Variants in CTNND2 observed in about 807,000 individuals in gnomAD.
CTNND2 encodes catenin delta-2.
CTNND2 carries 22 observed loss-of-function variants against 144.4 expected under a neutral mutation model. The ratio of observed to expected loss-of-function variants is 0.15; its 90% CI spans 0.11 to 0.22. CTNND2 has a LOEUF of 0.22. CTNND2 is among the 10% of genes least tolerant of loss of function. The pLI is 1.00. For missense variants in CTNND2, 1,353 were observed against 1,618.8 expected (o/e 0.84, Z 2.82); for synonymous variants, 751 against 695.6 (o/e 1.08, Z -1.25).
chr5:11,380,351 A>C (rs1758354195), intron 7 of CTNND2, among the ~76,000 whole-genome samples: 1 of 152,212 alleles, frequency 6.6e-6, no homozygotes. Flanking sequence ...GTATTACTAA[A>C]TAATATGAGT....
At chr5:11,790,165 CT>C (rs761246894) in intron 1 of CTNND2, among the ~76,000 whole-genome samples, 4 of 152,130 alleles carry the variant, frequency 2.6e-5, no homozygotes, top group Admixed American at 6.6e-5. Flanking sequence ...GGCCGGGTTA[CT>C]GGGGTATCCT....
intron 14 of CTNND2, among the ~76,000 whole-genome samples, chr5:11,099,184 C>G (rs1228801618): frequency 6.6e-6 from 1 of 152,184 alleles, no homozygotes; most frequent in Non-Finnish European, 1.5e-5. Context: ...ACTTCTTATG[C>G]ATCATTATTA....
At chr5:11,606,116 C>T (rs1227671475) in intron 2 of CTNND2, among the ~76,000 whole-genome samples, 1 of 152,044 alleles carries the variant, frequency 6.6e-6, no homozygotes, top group Non-Finnish European at 1.5e-5. Context: ...AGCCACGAGC[C>T]AAGGAATACA....
chr5:11,842,536 G>A (rs148084598), intron 1 of CTNND2, among the ~76,000 whole-genome samples: 2 of 151,956 alleles, frequency 1.3e-5, no homozygotes, highest in Admixed American at 1.3e-4. Flanking sequence ...TGGCTAACAT[G>A]ATGAAACCCC....
intron 1 of CTNND2, among the ~76,000 whole-genome samples, chr5:11,760,451 C>T (rs961207868): frequency 6.6e-6 from 1 of 152,110 alleles, no homozygotes. Flanking sequence ...ATATGTAAGA[C>T]AATGAGACAT....
At chr5:11,115,335 G>C (rs568995473) in intron 13 of CTNND2, among the ~76,000 whole-genome samples, 1 of 152,334 alleles carries the variant, frequency 6.6e-6, no homozygotes, top group African/African-American at 2.4e-5. Context: ...CTTAGCCAAA[G>C]CATGAGGCTG....
intron 15 of CTNND2, 27 bp downstream of exon 15, chr5:11,098,545 TTTC>T (rs745343712): frequency 3.5e-5 from 56 of 1,583,800 alleles, no homozygotes; most frequent in Non-Finnish European, 4.5e-5. Flanking sequence ...TAACTCCAGA[TTTC>T]TTTTTATTGT....
At position 11,880,278 on chromosome 5, in the gene CTNND2, A is replaced by G. The variant is rs58896273; in HGVS notation, c.37+23539T>C. On this transcript the variant is annotated intron_variant, in intron 1 of 21. Coordinates refer to ENST00000304623, the MANE Select transcript of CTNND2 (RefSeq NM_001332.4). Reference sequence around the variant, plus strand: ...TAGGAAATGATTACTATAAAAGGTAATATGTGAAATATTCCATAATAAACG... The same window carrying G: ...TAGGAAATGATTACTATAAAAGGTAGTATGTGAAATATTCCATAATAAACG... 8.3e-3 allele frequency among the ~76,000 whole-genome samples: 1,265 copies of G among 152,234 alleles called. 19 individuals are homozygous for G. Among genetic ancestry groups the G allele is most frequent in the African/African-American group, 0.029 (1,188 of 41,528 alleles).
intron 1 of CTNND2, among the ~76,000 whole-genome samples, chr5:11,853,699 C>T (rs957236185): frequency 6.6e-6 from 1 of 152,154 alleles, no homozygotes; most frequent in Non-Finnish European, 1.5e-5. Context: ...GTGCCAATTG[C>T]ATCCCTACAG....
intron 16 of CTNND2, among the ~76,000 whole-genome samples, chr5:11,080,540 A>G (rs61757076): frequency 8.0e-4 from 122 of 152,352 alleles, no homozygotes; most frequent in South Asian, 2.9e-3. Context: ...TCATTCCAGC[A>G]TTATTCACAA....
chr5:11,178,893 T>C (rs1475452309), intron 11 of CTNND2, among the ~76,000 whole-genome samples: 1 of 152,186 alleles, frequency 6.6e-6, no homozygotes, highest in African/African-American at 2.4e-5. Flanking sequence ...GTCCTACTGA[T>C]CTTTATGATA....
At position 11,048,129 on chromosome 5, in the gene CTNND2, T is replaced by A. The variant is rs112138899; in HGVS notation, c.2789-25150A>T. On this transcript the variant is annotated intron_variant, in intron 16 of 21. Transcript: ENST00000304623. ...GAGGCAAGGAAATACAGGCTCTTTA[T>A]CACCTGAGCTCCCAGAACCTGGAAC... 1.1e-3 allele frequency among the ~76,000 whole-genome samples: 175 copies of A among 152,266 alleles called. 1 individual carries two copies. The highest frequency in any genetic ancestry group is 3.0e-3 in the African/African-American group (126 of 41,560).
At chr5:10,993,919 C>T (rs61751683) in intron 18 of CTNND2, among the ~76,000 whole-genome samples, 9,058 of 151,558 alleles carry the variant, frequency 0.06, 899 homozygotes, top group African/African-American at 0.21. Flanking sequence ...CCTTAAAAGT[C>T]TAAATATTAT....
At chr5:11,377,649 C>T (rs774987206) in intron 7 of CTNND2, among the ~76,000 whole-genome samples, 1 of 152,042 alleles carries the variant, frequency 6.6e-6, no homozygotes, top group African/African-American at 2.4e-5. Context: ...TACAAGGATG[C>T]TATGAGGTAG....
intron 6 of CTNND2, among the ~76,000 whole-genome samples, chr5:11,385,589 C>A (rs1377925632): frequency 2.0e-5 from 3 of 152,142 alleles, no homozygotes; most frequent in Non-Finnish European, 4.4e-5. Context: ...TCTCCCTGGT[C>A]GCAATCACAA....
intron 1 of CTNND2, among the ~76,000 whole-genome samples, chr5:11,761,353 C>T (rs901864171): frequency 6.6e-6 from 1 of 152,138 alleles, no homozygotes; most frequent in Non-Finnish European, 1.5e-5. Flanking sequence ...ATATAATTTG[C>T]ACAATTGAGA....
At chr5:11,129,154 T>TA (rs1561352735) in intron 12 of CTNND2, among the ~76,000 whole-genome samples, 3 of 18,244 alleles carry the variant, frequency 1.6e-4, no homozygotes, top group African/African-American at 5.2e-4. Flanking sequence ...ATATAAAATA[T>TA]ACATATATTA....
chr5:11,398,661 G>A (rs965581015), intron 5 of CTNND2, among the ~76,000 whole-genome samples: 3 of 152,008 alleles, frequency 2.0e-5, no homozygotes. Flanking sequence ...TGTAACAAAA[G>A]TACAAATGCA....
chr5:11,670,198 TGTG>T (rs1309772822), intron 2 of CTNND2, among the ~76,000 whole-genome samples: 1 of 152,210 alleles, frequency 6.6e-6, no homozygotes, highest in Non-Finnish European at 1.5e-5. Context: ...ATAAGTGTGA[TGTG>T]GTGCTGAGAA....
Sources: gnomAD v4.1 joint callset for allele counts (sites outside exome capture counted in the v4.1 genomes callset) on GRCh38, gnomAD v4.1.1 for gene constraint, MANE v1.5 for transcripts, NCBI Gene and HGNC (gene_info 2026-07-23, HGNC 2026-07-21) for gene names.